The following ITGBL1 variants were observed in gnomAD, a reference collection of about 807,000 sequenced individuals.
ITGBL1 encodes the protein integrin subunit beta like 1.
In ITGBL1, 51 loss-of-function variants were observed where a neutral mutation model predicts 68.5. The observed-to-expected ratio is 0.74, with a 90% confidence interval of 0.59 to 0.94. ITGBL1 has a LOEUF of 0.94. Ranked by LOEUF, ITGBL1 falls within the 40% of genes least tolerant of loss-of-function variation. The probability of loss-of-function intolerance (pLI) is 0.00; values close to 1 mark genes in which losing one functional copy is unlikely to be tolerated. For synonymous variants in ITGBL1, 209 were observed against 227.3 expected (o/e 0.92, Z 0.72); for missense variants, 649 against 647.4 (o/e 1.00, Z -0.03).
intron 8 of ITGBL1, among the ~76,000 whole-genome samples, chr13:101,698,897 C>G (rs534393867): frequency 6.6e-6 from 1 of 152,242 alleles, no homozygotes; most frequent in African/African-American, 2.4e-5. Context: ...CCTCTATACT[C>G]CTGGAATAGC....
chr13:101,577,650 A>G (rs1457496576), intron 4 of ITGBL1, among the ~76,000 whole-genome samples: 1 of 152,180 alleles, frequency 6.6e-6, no homozygotes, highest in Non-Finnish European at 1.5e-5. Flanking sequence ...ATTTTCTGAA[A>G]TTACAGAGAA....
intron 2 of ITGBL1, among the ~76,000 whole-genome samples, chr13:101,474,666 G>A (rs2048510422): frequency 6.6e-6 from 1 of 152,182 alleles, no homozygotes; most frequent in Admixed American, 6.5e-5. Context: ...AGTCCCAGTA[G>A]TAGTTGCAAC....
chr13:101,654,696 T>A (rs908817017), intron 7 of ITGBL1, among the ~76,000 whole-genome samples: 1 of 152,090 alleles, frequency 6.6e-6, no homozygotes, highest in African/African-American at 2.4e-5. Context: ...AATACACACG[T>A]CTGAAAGTAA....
At chr13:101,706,726 TCTCA>T in intron 8 of ITGBL1, 26 bp from the exon 9 acceptor site, 1 of 1,605,250 alleles carries the variant, frequency 6.2e-7, no homozygotes, top group Non-Finnish European at 8.5e-7. Context: ...TTCCTCATCC[TCTCA>T]CTCCTTTCCT....
rs979940961 is a variant in ITGBL1, at chr13:101,716,338, GTTAT to G, written c.*687_*690del. ...TGACATTAAATCATTTAGCCACTAA[GTTAT>G]TTGTCTACTCTCACTTTAAACTCAC... On this transcript the variant is annotated 3_prime_UTR_variant, in exon 11 of 11. Coordinates refer to ENST00000376180, the MANE Select transcript of ITGBL1 (RefSeq NM_004791.3). 1 of 152,096 alleles carries G rather than the reference GTTAT, an allele frequency of 6.6e-6. No individual in the cohort carries two copies. The highest frequency in any genetic ancestry group is 2.4e-5 in the African/African-American group (1 of 41,418). 9.4% of individuals were successfully genotyped at this position (152,096 alleles called of 1,614,324 possible).
intron 7 of ITGBL1, among the ~76,000 whole-genome samples, chr13:101,653,859 TTTTGTTTTTTG>T (rs1459907536): frequency 4.5e-5 from 3 of 66,112 alleles, no homozygotes; most frequent in Non-Finnish European, 6.7e-5. Flanking sequence ...CAGCTACTTT[TTTTGTTTTTTG>T]TTTTTTTTTT....
chr13:101,564,603 A>G (rs1454262901), intron 2 of ITGBL1, among the ~76,000 whole-genome samples: 1 of 124,916 alleles, frequency 8.0e-6, no homozygotes, highest in Non-Finnish European at 1.6e-5. Context: ...ATATGCATGT[A>G]TATATGTGTA....
chr13:101,695,958 T>C (rs185356076), intron 8 of ITGBL1, among the ~76,000 whole-genome samples: 4 of 152,326 alleles, frequency 2.6e-5, no homozygotes, highest in African/African-American at 7.2e-5. Context: ...CCAACAGTCT[T>C]GTCCCTTGTG....
chr13:101,521,302 G>A (rs980745437), intron 2 of ITGBL1, among the ~76,000 whole-genome samples: 6 of 152,164 alleles, frequency 3.9e-5, no homozygotes, highest in Non-Finnish European at 8.8e-5. Flanking sequence ...CTGCTTACAT[G>A]CATCTTTCAT....
intron 3 of ITGBL1, among the ~76,000 whole-genome samples, chr13:101,569,872 G>A (rs776767982): frequency 6.6e-6 from 1 of 152,136 alleles, no homozygotes; most frequent in Non-Finnish European, 1.5e-5. Context: ...GTTGGCTGGT[G>A]TCTTAACTGT....
intron 8 of ITGBL1, 41 bp downstream of exon 8, chr13:101,692,742 C>T (rs1016837187): frequency 8.2e-7 from 1 of 1,217,990 alleles, no homozygotes; most frequent in East Asian, 2.3e-5. Context: ...CTGCATGCAA[C>T]TTGCTTTACC....
intron 2 of ITGBL1, among the ~76,000 whole-genome samples, chr13:101,539,105 A>G (rs4772391): frequency 0.8 from 107,983 of 134,522 alleles, 43,646 homozygotes; most frequent in African/African-American, 0.89. Context: ...ACAACGTGCA[A>G]GTTAGTTACA....
intron 7 of ITGBL1, among the ~76,000 whole-genome samples, chr13:101,648,248 A>C (rs930161446): frequency 6.6e-6 from 1 of 152,210 alleles, no homozygotes; most frequent in African/African-American, 2.4e-5. Context: ...GGAAATACAG[A>C]TGATAGAAAG....
intron 2 of ITGBL1, among the ~76,000 whole-genome samples, chr13:101,464,146 G>A (rs951206730): frequency 1.3e-5 from 2 of 151,994 alleles, no homozygotes; most frequent in Admixed American, 6.6e-5. Context: ...CGATCCACCC[G>A]CCTCAGCCTC....
chr13:101,544,191 C>T (rs1294576229), intron 2 of ITGBL1, among the ~76,000 whole-genome samples: 1 of 152,074 alleles, frequency 6.6e-6, no homozygotes. Flanking sequence ...GTTTTATCTA[C>T]CTTTGGTCTT....
At chr13:101,594,111 T>A (rs572665825) in intron 6 of ITGBL1, among the ~76,000 whole-genome samples, 1 of 152,188 alleles carries the variant, frequency 6.6e-6, no homozygotes, top group South Asian at 2.1e-4. Context: ...AACCACAATA[T>A]ACCCCAAATA....
At chr13:101,604,046 A>G (rs1471882536) in intron 7 of ITGBL1, among the ~76,000 whole-genome samples, 1 of 151,976 alleles carries the variant, frequency 6.6e-6, no homozygotes, top group Non-Finnish European at 1.5e-5. Context: ...AAATGAACAA[A>G]ATGTATACTT....
At chr13:101,576,306 G>A (rs1304504567) in intron 4 of ITGBL1, among the ~76,000 whole-genome samples, 1 of 152,110 alleles carries the variant, frequency 6.6e-6, no homozygotes, top group Non-Finnish European at 1.5e-5. Context: ...ACTCACGACT[G>A]CATCAGTGCC....
chr13:101,610,620 TA>T (rs1438233565), intron 7 of ITGBL1, among the ~76,000 whole-genome samples: 16 of 152,318 alleles, frequency 1.1e-4, no homozygotes, highest in Admixed American at 2.6e-4. Context: ...AATAAAGTTT[TA>T]TTAGATCATT....
Sources: allele counts gnomAD v4.1 joint callset (sites outside exome capture counted in the v4.1 genomes callset), GRCh38; gene constraint gnomAD v4.1.1; transcripts MANE v1.5; gene names NCBI Gene and HGNC (gene_info 2026-07-23, HGNC 2026-07-21).